The following KHDRBS2 variants were observed in gnomAD, a reference collection of about 807,000 sequenced individuals.
KHDRBS2 encodes KH RNA binding domain containing, signal transduction associated 2.
In KHDRBS2, 26 loss-of-function variants were observed where a neutral mutation model predicts 44.3. The ratio of observed to expected loss-of-function variants is 0.59; its 90% CI spans 0.43 to 0.81. The LOEUF (loss-of-function observed/expected upper bound fraction) is 0.81, where lower values mean the gene tolerates loss of function less well. KHDRBS2 is among the 40% of genes least tolerant of loss of function. The pLI is 0.00. For synonymous variants in KHDRBS2, 194 were observed against 151.1 expected (o/e 1.28, Z -2.08); for missense variants, 476 against 433.1 (o/e 1.10, Z -0.88).
chr6:62,086,009 A>G (rs1215948563), intron 2 of KHDRBS2, among the ~76,000 whole-genome samples: 1 of 152,142 alleles, frequency 6.6e-6, no homozygotes, highest in African/African-American at 2.4e-5. Flanking sequence ...AGAATTTGCT[A>G]TGGAGAATCT....
chr6:61,999,659 T>C (rs1256545799), intron 3 of KHDRBS2, among the ~76,000 whole-genome samples: 1 of 152,064 alleles, frequency 6.6e-6, no homozygotes, highest in Non-Finnish European at 1.5e-5. Context: ...CTCTACCAAC[T>C]TAAATCAGAT....
Position 61,809,130 on chromosome 6 carries a change from C to CA in KHDRBS2, c.811-76367dup, listed in dbSNP as rs1353689292. 9.2e-5 allele frequency among the ~76,000 whole-genome samples: 14 copies of CA among 151,944 alleles called. 1 individual carries two copies. The highest frequency in any genetic ancestry group is 5.9e-4 in the Admixed American group (9 of 15,246). The stretch of plus-strand genomic sequence containing the variant: ...GTCATGCAATGGTATCACATCTAAG[C>CA]ACTAGCCTCTTTTTACTATATTTGC... On this transcript the variant is annotated intron_variant, in intron 6 of 8. Coordinates refer to ENST00000281156, the MANE Select transcript of KHDRBS2 (RefSeq NM_152688.4).
At chr6:61,740,547 G>T (rs925668108) in intron 6 of KHDRBS2, among the ~76,000 whole-genome samples, 1 of 151,800 alleles carries the variant, frequency 6.6e-6, no homozygotes, top group African/African-American at 2.4e-5. Context: ...TGTAGAGTAG[G>T]CTCCATTTTC....
the KHDRBS2 span, among the ~76,000 whole-genome samples, chr6:61,561,487 A>G: frequency 6.6e-6 from 1 of 152,144 alleles, no homozygotes; most frequent in African/African-American, 2.4e-5. Flanking sequence ...GGGAGCCAGG[A>G]CCTATAGTAA....
At chr6:61,601,315 C>A in the KHDRBS2 span, among the ~76,000 whole-genome samples, 1 of 152,046 alleles carries the variant, frequency 6.6e-6, no homozygotes. Flanking sequence ...GCCTCCTTCA[C>A]TGTAGGCAAA....
chr6:62,233,608 T>A (rs1203817608), intron 1 of KHDRBS2, among the ~76,000 whole-genome samples: 1 of 152,082 alleles, frequency 6.6e-6, no homozygotes, highest in African/African-American at 2.4e-5. Context: ...CTGGTACGCA[T>A]TGGTTGTTTT....
chr6:61,752,374 T>C (rs1366660461), intron 6 of KHDRBS2, among the ~76,000 whole-genome samples: 3 of 152,130 alleles, frequency 2.0e-5, no homozygotes, highest in Non-Finnish European at 4.4e-5. Flanking sequence ...GATTCATAAA[T>C]AGCAGACACA....
At chr6:61,779,713 T>C (rs1252777648) in intron 6 of KHDRBS2, among the ~76,000 whole-genome samples, 3 of 152,178 alleles carry the variant, frequency 2.0e-5, no homozygotes, top group Non-Finnish European at 4.4e-5. Context: ...CCAACTAATA[T>C]TCAATGAGTG....
chr6:61,716,601 T>C (rs1454340744), intron 7 of KHDRBS2, among the ~76,000 whole-genome samples: 1 of 151,952 alleles, frequency 6.6e-6, no homozygotes, highest in Non-Finnish European at 1.5e-5. Flanking sequence ...ATCCTAATGT[T>C]GAAAAAACGA....
chr6:61,915,952 T>C (rs1302979102), intron 4 of KHDRBS2, among the ~76,000 whole-genome samples: 8 of 152,056 alleles, frequency 5.3e-5, no homozygotes, highest in Non-Finnish European at 8.8e-5. Flanking sequence ...CATCAGTAAG[T>C]ACAGAGCAGA....
At chr6:61,963,615 C>T (rs1393166545) in intron 4 of KHDRBS2, among the ~76,000 whole-genome samples, 3 of 151,984 alleles carry the variant, frequency 2.0e-5, no homozygotes, top group African/African-American at 7.2e-5. Context: ...CTTTCTTTTC[C>T]AATAGAACAC....
intron 3 of KHDRBS2, among the ~76,000 whole-genome samples, chr6:62,014,068 C>T (rs1780771203): frequency 6.6e-6 from 1 of 152,128 alleles, no homozygotes; most frequent in Non-Finnish European, 1.5e-5. Flanking sequence ...ATGAATGACA[C>T]TGATTAATAT....
At chr6:61,667,818 G>T in the KHDRBS2 span, among the ~76,000 whole-genome samples, 1 of 151,056 alleles carries the variant, frequency 6.6e-6, no homozygotes, top group Admixed American at 6.6e-5. Flanking sequence ...GTGTTTTCTT[G>T]GGTGATACAA....
the KHDRBS2 span, among the ~76,000 whole-genome samples, chr6:61,615,442 T>C: frequency 6.6e-6 from 1 of 151,952 alleles, no homozygotes; most frequent in Non-Finnish European, 1.5e-5. Context: ...GTGGATATAG[T>C]TCAAAATTTA....
At chr6:61,548,117 CA>C in the KHDRBS2 span, among the ~76,000 whole-genome samples, 2 of 151,952 alleles carry the variant, frequency 1.3e-5, no homozygotes, top group Non-Finnish European at 2.9e-5. Flanking sequence ...TCTAATACTT[CA>C]AAAGAGAATA....
chr6:61,694,783 C>A (rs1270536225), intron 8 of KHDRBS2, among the ~76,000 whole-genome samples: 1 of 152,090 alleles, frequency 6.6e-6, no homozygotes, highest in Admixed American at 6.6e-5. Context: ...ATATAAGGAA[C>A]AAAATTATAG....
At chr6:61,926,849 C>A (rs142677362) in intron 4 of KHDRBS2, among the ~76,000 whole-genome samples, 1 of 151,668 alleles carries the variant, frequency 6.6e-6, no homozygotes, top group East Asian at 1.9e-4. Context: ...GACAGATGAG[C>A]CACAGACTAA....
the KHDRBS2 span, among the ~76,000 whole-genome samples, chr6:61,634,045 G>A: frequency 1.2e-4 from 18 of 152,158 alleles, no homozygotes; most frequent in East Asian, 3.5e-3. Context: ...CACATTTTTA[G>A]ATTTCACACT....
intron 6 of KHDRBS2, among the ~76,000 whole-genome samples, chr6:61,872,658 A>G (rs967261485): frequency 6.6e-6 from 1 of 152,156 alleles, no homozygotes; most frequent in Non-Finnish European, 1.5e-5. Flanking sequence ...ATAACTCGAT[A>G]TCATAAAGAC....
Sources: allele counts gnomAD v4.1 joint callset (sites outside exome capture counted in the v4.1 genomes callset), GRCh38; gene constraint gnomAD v4.1.1; transcripts MANE v1.5; gene names NCBI Gene and HGNC (gene_info 2026-07-23, HGNC 2026-07-21).